Variants in SPATA25 observed in about 807,000 individuals in gnomAD.
The protein encoded by SPATA25 is spermatogenesis associated 25, also known as spermatogenesis-associated protein 25.
SPATA25 carries 16 observed loss-of-function variants against 16.0 expected under a neutral mutation model. The ratio of observed to expected loss-of-function variants is 1.00; its 90% CI spans 0.68 to 1.52. SPATA25 has a LOEUF of 1.52. SPATA25 is among the 40% of genes most tolerant of loss of function. The pLI is 0.00. For synonymous variants in SPATA25, 115 were observed against 118.5 expected, an observed-to-expected ratio of 0.97 and a Z score of 0.19; for missense variants, 285 against 289.2, an observed-to-expected ratio of 0.99 and a Z score of 0.11.
chr20:45,889,697 T>G (rs184415944), upstream of SPATA25, among the ~76,000 whole-genome samples: 9 of 151,402 alleles, frequency 5.9e-5, 1 homozygote, highest in African/African-American at 2.2e-4. Context: ...CATTGCAACC[T>G]CCACCTCTCG....
upstream of SPATA25, chr20:45,890,900 C>G: frequency 1.3e-6 from 2 of 1,559,270 alleles, no homozygotes; most frequent in Non-Finnish European, 1.7e-6. Flanking sequence ...GATGTTGGCA[C>G]CGTGCACCCG....
rs763895077 is a variant in SPATA25 at position 45,887,010 on chromosome 20, G to A, written c.191C>T (p.Ala64Val). 1 of 1,613,386 alleles carries A rather than the reference G, an allele frequency of 6.2e-7. No homozygotes were observed. The highest frequency in any genetic ancestry group is 8.5e-7 in the Non-Finnish European group (1 of 1,180,006). ...VAPAAQAWGP[A>V]LAMPQARGCP... Reference sequence around the variant, plus strand: ...GCCCCTGGCTTGTGGCATTGCCAGGGCTGGGCCCCAGGCCTGGGCAGCAGG... The same window carrying A: ...GCCCCTGGCTTGTGGCATTGCCAGGACTGGGCCCCAGGCCTGGGCAGCAGG... Residue 64 changes from alanine to valine, a missense_variant, in exon 2 of 2, where the codon GCC becomes GTC. Coordinates refer to ENST00000372519, the MANE Select transcript of SPATA25 (RefSeq NM_080608.4).
upstream of SPATA25, chr20:45,887,715 G>A: frequency 1.3e-6 from 1 of 793,312 alleles, no homozygotes; most frequent in Non-Finnish European, 2.0e-6. Context: ...TTACAGCGTT[G>A]ACCTATTCAT....
chr20:45,888,413 G>A (rs1986564569), upstream of SPATA25, among the ~76,000 whole-genome samples: 1 of 152,180 alleles, frequency 6.6e-6, no homozygotes, highest in African/African-American at 2.4e-5. Flanking sequence ...CTCTTGAGAA[G>A]CTTTTACAAA....
chr20:45,887,527 C>G lies in SPATA25; in HGVS notation c.55+9G>C. The G allele has an allele frequency of 1.9e-6, 3 of 1,612,862 alleles. No individual in the cohort carries two copies. Among genetic ancestry groups the G allele is most frequent in the Non-Finnish European group, 2.5e-6 (3 of 1,179,240 alleles). ...GCACTCCCTCCAATTGCAGGTGCCC[C>G]CCGCTCACCTTGGCCGGAAGGCAGA... On this transcript the variant is annotated intron_variant, in intron 1 of 1. Coordinates refer to ENST00000372519, the MANE Select transcript of SPATA25 (RefSeq NM_080608.4).
chr20:45,890,237 C>T (rs915881799), upstream of SPATA25: 16 of 1,613,728 alleles, frequency 9.9e-6, no homozygotes, highest in Admixed American at 1.7e-5. Context: ...GGTCGCTGCC[C>T]AGGGATACCT....
At chr20:45,887,382 G>A (rs190661752) in intron 1 of SPATA25, among the ~76,000 whole-genome samples, 154 bp downstream of exon 1, 3 of 152,324 alleles carry the variant, frequency 2.0e-5, no homozygotes, top group African/African-American at 7.2e-5. Context: ...GTTATTGATT[G>A]GCAAGGATGT....
upstream of SPATA25, chr20:45,888,826 C>T (rs371277500): frequency 3.7e-6 from 6 of 1,613,968 alleles, no homozygotes; most frequent in African/African-American, 2.7e-5. Context: ...AGCCGGTGCA[C>T]CATGCTCCTT....
chr20:45,886,850 A>G lies in SPATA25; in HGVS notation c.351T>C (p.Gly117=), dbSNP rs749526519. 6 of 1,613,826 alleles carry G rather than the reference A, an allele frequency of 3.7e-6. No homozygotes were observed. The South Asian group carries it at 5.5e-5, about 15-fold the overall frequency. The change falls in exon 2 of 2, where the codon GGT becomes GGC. Residue 117 remains glycine (G), a synonymous_variant. Transcript: ENST00000372519. ...GYSRSRAPDL[G]GPSRPRPLML... is the part of the protein sequence containing the mutation. ...TCAGGGGCCTAGGCCTGCTGGGGCC[A>G]CCCAGGTCAGGGGCTCTGCTTCTGG...
At position 45,886,506 on chromosome 20, in the gene SPATA25, A is replaced by G. The variant is rs776880986; in HGVS notation, c.*11T>C. 5.8e-6 allele frequency: 9 copies of G among 1,554,410 alleles called. No individual in the cohort carries two copies. Among genetic ancestry groups the G allele is most frequent in the East Asian group, 2.3e-5 (1 of 44,174 alleles). ...GAAACCACCCTACATATCTGGTGCT[A>G]TTTCATCCATCTACAAGCAGGAGCC... On this transcript the variant is annotated 3_prime_UTR_variant, in exon 2 of 2. Transcript: ENST00000372519.
rs1986507403 is a variant in SPATA25, at chr20:45,887,025, T to C, written c.176A>G (p.Gln59Arg). 1.2e-6 allele frequency: 2 copies of C among 1,612,822 alleles called. No homozygotes were observed. The highest frequency in any genetic ancestry group is 1.7e-6 in the Non-Finnish European group (2 of 1,180,002). Residue 59 changes from glutamine to arginine, a missense_variant, in exon 2 of 2, where the codon CAG becomes CGG. Coordinates refer to ENST00000372519, the MANE Select transcript of SPATA25 (RefSeq NM_080608.4). ...CATTGCCAGGGCTGGGCCCCAGGCCTGGGCAGCAGGTGCCACCTGCTCAGC... is the reference window on the plus strand; with the variant it reads ...CATTGCCAGGGCTGGGCCCCAGGCCCGGGCAGCAGGTGCCACCTGCTCAGC... ...QKAEQVAPAA[Q>R]AWGPALAMPQ...
In SPATA25 at chr20:45,887,032, C is replaced by G. The variant is rs1171786491; in HGVS notation, c.169G>C (p.Ala57Pro). ...LSQKAEQVAP[A>P]AQAWGPALAM... ...AGGGCTGGGCCCCAGGCCTGGGCAG[C>G]AGGTGCCACCTGCTCAGCTTTCTGG... is the stretch of plus-strand genomic sequence containing the variant. The change falls in exon 2 of 2, where the codon GCT (alanine) becomes CCT (proline). Residue 57 changes from alanine (A) to proline (P), a missense_variant. Transcript: ENST00000372519. 2 of 1,612,120 alleles carry G rather than the reference C, an allele frequency of 1.2e-6. No homozygotes were observed. Among genetic ancestry groups the G allele is most frequent in the Non-Finnish European group, 8.5e-7 (1 of 1,180,008 alleles).
chr20:45,889,839 C>G (rs903974232), upstream of SPATA25, among the ~76,000 whole-genome samples: 1 of 152,160 alleles, frequency 6.6e-6, no homozygotes, highest in Non-Finnish European at 1.5e-5. Context: ...GTCTCGAACT[C>G]CTGGCCTCAA....
At chr20:45,890,201 T>C (rs557176087), upstream of SPATA25, 3 of 1,610,780 alleles carry the variant, frequency 1.9e-6, no homozygotes, top group South Asian at 3.3e-5. Flanking sequence ...CCTAGTAGAT[T>C]CCAGTCCCCA....
upstream of SPATA25, chr20:45,890,652 C>T: frequency 1.2e-6 from 2 of 1,613,418 alleles, no homozygotes; most frequent in African/African-American, 2.7e-5. Flanking sequence ...CGCGTGATGG[C>T]GAAGACCCAG....
Position 45,886,887 on chromosome 20 carries a change from T to A in SPATA25, c.314A>T (p.Asp105Val). The A allele has an allele frequency of 6.2e-7, 1 of 1,614,142 alleles. No individual in the cohort carries two copies. Among genetic ancestry groups the A allele is most frequent in the Non-Finnish European group, 8.5e-7 (1 of 1,180,030 alleles). ...GGCTCTGCTTCTGGAGTAGCCATTG[T>A]CCCAGCCCAAGCTCTCCAGCTGCCT... is the stretch of plus-strand genomic sequence containing the variant. ...HVRQLESLGWDNGYSRSRAPD... is the reference protein window; with the variant it reads ...HVRQLESLGWVNGYSRSRAPD... The change falls in exon 2 of 2, where the codon GAC becomes GTC. Residue 105 changes from aspartate (D) to valine (V), a missense_variant. Physicochemically the swap from Asp to Val is radical, Grantham distance 152. Coordinates refer to ENST00000372519, the MANE Select transcript of SPATA25 (RefSeq NM_080608.4).
upstream of SPATA25, among the ~76,000 whole-genome samples, chr20:45,888,180 G>A (rs866794129): frequency 6.6e-6 from 1 of 152,030 alleles, no homozygotes; most frequent in Non-Finnish European, 1.5e-5. Flanking sequence ...ACCACACCTG[G>A]CTAACTTTTG....
At chr20:45,890,547 T>C, upstream of SPATA25, 3 of 1,610,660 alleles carry the variant, frequency 1.9e-6, no homozygotes, top group Non-Finnish European at 2.5e-6. Flanking sequence ...AACTGCTCAA[T>C]GCGCAGATAT....
rs776981346 is a variant in SPATA25, at chr20:45,886,608, G to C, written c.593C>G (p.Ala198Gly). ...GTGGGCATGTGCCTGCTCCCACCGC[G>C]CCCCCTCCACAGCACCCTCTGGCTC... ...HPEPEGAVEG[A>G]RWEQAHAHTA... Residue 198 changes from alanine to glycine, a missense_variant, in exon 2 of 2, where the codon GCG becomes GGG. Ala to Gly is a moderately conservative substitution (Grantham distance 60). Transcript: ENST00000372519. The C allele has an allele frequency of 1.2e-6, 2 of 1,613,796 alleles. No individual in the cohort carries two copies. Among genetic ancestry groups the C allele is most frequent in the Non-Finnish European group, 1.7e-6 (2 of 1,179,968 alleles).
Sources: gnomAD v4.1 joint callset for allele counts (sites outside exome capture counted in the v4.1 genomes callset) on GRCh38, gnomAD v4.1.1 for gene constraint, MANE v1.5 for transcripts, NCBI Gene and HGNC (gene_info 2026-07-23, HGNC 2026-07-21) for gene names.